Variants in ZNF804A observed in about 807,000 individuals in gnomAD.
ZNF804A encodes the protein zinc finger protein 804A.
In ZNF804A, 2 loss-of-function variants were observed where a neutral mutation model predicts 16.5. The ratio of observed to expected loss-of-function variants is 0.12; its 90% CI spans 0.05 to 0.38. ZNF804A has a LOEUF of 0.38. ZNF804A is among the 10% of genes least tolerant of loss of function. The probability of loss-of-function intolerance (pLI) is 0.99; values close to 1 mark genes in which losing one functional copy is unlikely to be tolerated. For synonymous variants in ZNF804A, 534 were observed against 489.6 expected (o/e 1.09, Z -1.20); for missense variants, 1,473 against 1,390.7 (o/e 1.06, Z -0.94).
chr2:184,616,809 T>A (rs550363482), intron 1 of ZNF804A, among the ~76,000 whole-genome samples: 2 of 152,236 alleles, frequency 1.3e-5, no homozygotes, highest in African/African-American at 4.8e-5. Context: ...TGGACCTCTT[T>A]TCATAGGTTC....
At chr2:184,803,932 G>A (rs1336475004) in intron 1 of ZNF804A, among the ~76,000 whole-genome samples, 2 of 151,906 alleles carry the variant, frequency 1.3e-5, no homozygotes, top group African/African-American at 2.4e-5. Context: ...GCATGATCTC[G>A]GCTCACTGCA....
chr2:184,872,104 T>C (rs552163531), intron 2 of ZNF804A, among the ~76,000 whole-genome samples: 22 of 152,250 alleles, frequency 1.4e-4, no homozygotes, highest in African/African-American at 4.8e-4. Context: ...CATTAAAATG[T>C]TATAAATATC....
chr2:184,936,777 T>A lies in ZNF804A; in HGVS notation c.1381T>A (p.Cys461Ser), dbSNP rs1213902985. The A allele has an allele frequency of 3.7e-6, 6 of 1,613,712 alleles. No homozygotes were observed. The African/African-American group carries it at 6.7e-5, about 18-fold the overall frequency. Residue 461 changes from cysteine (C) to serine (S), a missense_variant, in exon 4 of 4, where the codon TGT becomes AGT. Physicochemically the swap from Cys to Ser is moderately radical, Grantham distance 112. Transcript: ENST00000302277. Reference sequence around the variant, plus strand: ...AATTTCCTATAGCTGTAATCCTCTATGTTTTGACTTCAAGTCTACTAAAGT... The same window carrying A: ...AATTTCCTATAGCTGTAATCCTCTAAGTTTTGACTTCAAGTCTACTAAAGT... ...PSISYSCNPLCFDFKSTKVNN... is the reference protein window; with the variant it reads ...PSISYSCNPLSFDFKSTKVNN...
intron 1 of ZNF804A, among the ~76,000 whole-genome samples, chr2:184,669,581 T>C (rs1379150672): frequency 6.6e-6 from 1 of 152,082 alleles, no homozygotes; most frequent in Non-Finnish European, 1.5e-5. Context: ...CCACATGAAA[T>C]GTTGAAAATG....
At chr2:184,904,403 C>T (rs72907760) in intron 2 of ZNF804A, among the ~76,000 whole-genome samples, 64,293 of 151,410 alleles carry the variant, frequency 0.42, 16,563 homozygotes, top group East Asian at 0.82. Context: ...CAACCATTGT[C>T]AGGTGGCATA....
At chr2:184,739,782 C>T (rs1331996544) in intron 1 of ZNF804A, among the ~76,000 whole-genome samples, 1 of 152,174 alleles carries the variant, frequency 6.6e-6, no homozygotes, top group Non-Finnish European at 1.5e-5. Flanking sequence ...ATACTTTAAT[C>T]TCCCCTGCTC....
chr2:184,756,159 C>G (rs752361173), intron 1 of ZNF804A, among the ~76,000 whole-genome samples: 4 of 151,870 alleles, frequency 2.6e-5, no homozygotes, highest in Non-Finnish European at 5.9e-5. Context: ...TCTAATTCAA[C>G]ATGATTTTAT....
chr2:184,795,161 A>AT (rs1285189685), intron 1 of ZNF804A, among the ~76,000 whole-genome samples: 1 of 152,174 alleles, frequency 6.6e-6, no homozygotes, highest in Non-Finnish European at 1.5e-5. Flanking sequence ...GGTAGACCAT[A>AT]TTTTAGGCCA....
intron 1 of ZNF804A, among the ~76,000 whole-genome samples, chr2:184,710,557 G>C (rs888922018): frequency 5.3e-5 from 8 of 151,672 alleles, no homozygotes; most frequent in Non-Finnish European, 8.9e-5. Context: ...AAAGTTTTAA[G>C]TGTATAATAC....
chr2:184,629,887 G>T (rs983654165), intron 1 of ZNF804A, among the ~76,000 whole-genome samples: 1 of 152,088 alleles, frequency 6.6e-6, no homozygotes, highest in Non-Finnish European at 1.5e-5. Flanking sequence ...GAGTGCTGGG[G>T]ATAAAAGTAT....
At chr2:184,785,192 CACCTATTGCTT>C (rs2105775834) in intron 1 of ZNF804A, among the ~76,000 whole-genome samples, 1 of 152,058 alleles carries the variant, frequency 6.6e-6, no homozygotes, top group Admixed American at 6.6e-5. Flanking sequence ...TCCCCCTGCT[CACCTATTGCTT>C]ATTTAAGTTC....
chr2:184,638,278 G>A (rs1691734926), intron 1 of ZNF804A, among the ~76,000 whole-genome samples: 1 of 152,186 alleles, frequency 6.6e-6, no homozygotes, highest in Non-Finnish European at 1.5e-5. Flanking sequence ...CTGGATGACA[G>A]ACTTGGGGCT....
chr2:184,911,781 A>G (rs1193110633), intron 2 of ZNF804A, among the ~76,000 whole-genome samples: 1 of 151,962 alleles, frequency 6.6e-6, no homozygotes, highest in Admixed American at 6.6e-5. Flanking sequence ...TTATTCCTGT[A>G]TATGAATGCT....
At chr2:184,669,754 A>G (rs1485154499) in intron 1 of ZNF804A, among the ~76,000 whole-genome samples, 1 of 55,748 alleles carries the variant, frequency 1.8e-5, no homozygotes, top group African/African-American at 7.0e-5. Flanking sequence ...TCTCTCTCTC[A>G]CACACACACG....
intron 1 of ZNF804A, among the ~76,000 whole-genome samples, chr2:184,833,420 T>C (rs58212950): frequency 0.068 from 10,281 of 152,114 alleles, 1,183 homozygotes; most frequent in African/African-American, 0.23. Flanking sequence ...TCCCATACTG[T>C]CACTACAAGC....
intron 1 of ZNF804A, among the ~76,000 whole-genome samples, chr2:184,848,800 A>T (rs1695560487): frequency 6.6e-6 from 1 of 152,104 alleles, no homozygotes; most frequent in East Asian, 1.9e-4. Context: ...GTGAGGAATT[A>T]TTGGAACAAT....
intron 2 of ZNF804A, among the ~76,000 whole-genome samples, chr2:184,898,703 A>G (rs1685128996): frequency 6.6e-6 from 1 of 152,052 alleles, no homozygotes; most frequent in Non-Finnish European, 1.5e-5. Context: ...TTACTTTTAT[A>G]CAGGACACAA....
intron 1 of ZNF804A, among the ~76,000 whole-genome samples, chr2:184,780,425 C>T (rs1212578295): frequency 6.6e-6 from 1 of 151,712 alleles, no homozygotes; most frequent in East Asian, 1.9e-4. Flanking sequence ...CCATCTTTTA[C>T]AGGTAAGAAA....
intron 1 of ZNF804A, among the ~76,000 whole-genome samples, chr2:184,748,988 G>C (rs1693836713): frequency 6.6e-6 from 1 of 151,482 alleles, no homozygotes; most frequent in South Asian, 2.1e-4. Context: ...GGTTACTGTA[G>C]CTTTATGGCA....
Sources: allele counts gnomAD v4.1 joint callset (sites outside exome capture counted in the v4.1 genomes callset), GRCh38; gene constraint gnomAD v4.1.1; transcripts MANE v1.5; gene names NCBI Gene and HGNC (gene_info 2026-07-23, HGNC 2026-07-21).